The following PCDHA3 variants were observed in gnomAD, a reference collection of about 807,000 sequenced individuals.
The protein encoded by PCDHA3 is protocadherin alpha-3.
Under a neutral mutation model 62.2 loss-of-function variants are expected in PCDHA3, and 41 were observed. The ratio of observed to expected loss-of-function variants is 0.66; its 90% CI spans 0.51 to 0.86. PCDHA3 has a LOEUF of 0.86. Ranked by LOEUF, PCDHA3 falls within the 40% of genes least tolerant of loss-of-function variation. PCDHA3 has a pLI of 0.00. For missense variants in PCDHA3, 1,304 were observed against 1,241.2 expected (o/e 1.05, Z -0.76); for synonymous variants, 640 against 555.4 (o/e 1.15, Z -2.14).
At chr5:140,856,746 A>G (rs996216348) in intron 1 of PCDHA3, 1 of 1,596,552 alleles carries the variant, frequency 6.3e-7, no homozygotes, top group Non-Finnish European at 8.6e-7. Context: ...CTGGTGTTAG[A>G]TGCCAATGAT....
chr5:140,823,125 C>A lies in PCDHA3; in HGVS notation c.2394+19534C>A, dbSNP rs2150122536. 13 of 1,614,046 alleles carry A rather than the reference C, an allele frequency of 8.1e-6. 1 individual carries two copies. The South Asian group carries it at 9.9e-5, about 12-fold the overall frequency. ...TGGAAGTGGCCGACGTGAACGACAA[C>A]GCTCCGGCGTTCGCGCAGCCCCAGT... is the stretch of plus-strand genomic sequence containing the variant. On this transcript the variant is annotated intron_variant, in intron 1 of 3. Transcript: ENST00000522353.
chr5:140,823,692 C>G (rs1179206603), intron 1 of PCDHA3: 3 of 1,613,816 alleles, frequency 1.9e-6, no homozygotes, highest in Non-Finnish European at 1.7e-6. Flanking sequence ...TGGATGAGAC[C>G]GAAGCACCGC....
chr5:140,842,396 G>A, intron 1 of PCDHA3: 2 of 1,611,442 alleles, frequency 1.2e-6, no homozygotes, highest in South Asian at 2.2e-5. Context: ...ATCCTTGCCT[G>A]TACGTGAAGA....
intron 1 of PCDHA3, chr5:140,809,712 T>C (rs1764529866): frequency 2.9e-6 from 3 of 1,022,172 alleles, no homozygotes; most frequent in Non-Finnish European, 4.2e-6. Flanking sequence ...TAAAGTCTTT[T>C]GGAATTATAG....
At chr5:140,856,688 A>T in intron 1 of PCDHA3, 1 of 1,597,342 alleles carries the variant, frequency 6.3e-7, no homozygotes, top group Non-Finnish European at 8.6e-7. Context: ...GTTGACAGCA[A>T]CTGATGGAGG....
At chr5:140,850,806 G>A (rs1359393363) in intron 1 of PCDHA3, 2 of 1,598,276 alleles carry the variant, frequency 1.3e-6, no homozygotes, top group Non-Finnish European at 1.7e-6. Flanking sequence ...CGACCTCATG[G>A]CCTTCAGCCC....
intron 1 of PCDHA3, chr5:140,810,358 G>A (rs190752805): frequency 6.6e-6 from 1 of 152,312 alleles, no homozygotes; most frequent in African/African-American, 2.4e-5. Context: ...TAAGAGTTGT[G>A]TTTGTGGGTC....
chr5:140,801,443 C>A lies in PCDHA3; in HGVS notation c.246C>A (p.Gly82=). 1.2e-6 allele frequency: 2 copies of A among 1,613,926 alleles called. No homozygotes were observed. Among genetic ancestry groups the A allele is most frequent in the Non-Finnish European group, 1.7e-6 (2 of 1,180,050 alleles). ...TTCTGGAGGTAAATCTGCAGAATGG[C>A]ATTTTGTTTGTGAATTCTCGGATAG... ...GDLLEVNLQN[G]ILFVNSRIDR... The change falls in exon 1 of 4, where the codon GGC becomes GGA. Residue 82 remains glycine, a synonymous_variant. Transcript: ENST00000522353.
chr5:140,873,464 T>C (rs904556302), intron 1 of PCDHA3, among the ~76,000 whole-genome samples: 1 of 152,214 alleles, frequency 6.6e-6, no homozygotes, highest in Non-Finnish European at 1.5e-5. Context: ...TTTTAGATAA[T>C]TCAAATTACT....
chr5:140,886,602 C>A (rs1167539535), intron 1 of PCDHA3, among the ~76,000 whole-genome samples: 1 of 151,638 alleles, frequency 6.6e-6, no homozygotes, highest in Non-Finnish European at 1.5e-5. Flanking sequence ...CCAAGGTGGG[C>A]GGATCAGGAG....
At chr5:140,828,116 T>C (rs2150151180) in intron 1 of PCDHA3, 39 of 1,612,242 alleles carry the variant, frequency 2.4e-5, no homozygotes, top group Admixed American at 2.0e-4. Flanking sequence ...GGAGGATAGA[T>C]TGGGAAAGCA....
chr5:140,911,040 A>G (rs970284436), intron 1 of PCDHA3, among the ~76,000 whole-genome samples: 15 of 152,034 alleles, frequency 9.9e-5, no homozygotes, highest in Non-Finnish European at 2.2e-4. Context: ...CTAGAAGCAA[A>G]CAGGGGTGGT....
chr5:140,828,805 T>C, intron 1 of PCDHA3: 7 of 1,614,212 alleles, frequency 4.3e-6, no homozygotes, highest in Non-Finnish European at 5.9e-6. Context: ...TGAATGATAA[T>C]GCTCCCACTT....
chr5:140,804,790 A>G, intron 1 of PCDHA3: 1 of 279,186 alleles, frequency 3.6e-6, no homozygotes, highest in African/African-American at 2.2e-5. Flanking sequence ...TTTCCCTACC[A>G]CTGGAGAGAA....
At chr5:140,967,099 T>G in intron 1 of PCDHA3, 1 of 1,613,074 alleles carries the variant, frequency 6.2e-7, no homozygotes, top group Non-Finnish European at 8.5e-7. Context: ...AGGCGCTGTG[T>G]GAGCAGCGGC....
At chr5:140,948,563 A>AT (rs1400147953) in intron 1 of PCDHA3, among the ~76,000 whole-genome samples, 1 of 151,546 alleles carries the variant, frequency 6.6e-6, no homozygotes, top group African/African-American at 2.4e-5. Flanking sequence ...GTTAAGTTGT[A>AT]TTTTTTAAAG....
rs1401604778 is a variant in PCDHA3, at chr5:140,834,718, G to A, written c.2394+31127G>A. On this transcript the variant is annotated intron_variant, in intron 1 of 3. Coordinates refer to ENST00000522353, the MANE Select transcript of PCDHA3 (RefSeq NM_018906.3). ...ATCCACCTGGAGGTGATCGTGGAAA[G>A]GCCGCTGCAGGTTTTCCATGTGGAC... 9 of 1,614,148 alleles carry A rather than the reference G, an allele frequency of 5.6e-6. No homozygotes were observed. Among genetic ancestry groups the A allele is most frequent in the Middle Eastern group, 1.6e-4 (1 of 6,084 alleles).
chr5:140,824,401 T>G (rs1459968024), intron 1 of PCDHA3: 4 of 544,498 alleles, frequency 7.3e-6, no homozygotes, highest in Middle Eastern at 4.7e-4. Context: ...GGATAATAAT[T>G]GTAAGACATA....
chr5:140,935,554 GA>G (rs2090429733), intron 1 of PCDHA3, among the ~76,000 whole-genome samples: 1 of 152,134 alleles, frequency 6.6e-6, no homozygotes, highest in Non-Finnish European at 1.5e-5. Flanking sequence ...AAGTATCTTG[GA>G]AAAGTTCCTC....
Sources: gnomAD v4.1 joint callset for allele counts (sites outside exome capture counted in the v4.1 genomes callset) on GRCh38, gnomAD v4.1.1 for gene constraint, MANE v1.5 for transcripts, NCBI Gene and HGNC (gene_info 2026-07-23, HGNC 2026-07-21) for gene names.